Variants in SATL1 observed in about 807,000 individuals in gnomAD.
SATL1 encodes the protein spermidine/spermine N1-acetyl transferase like 1, also known as spermidine/spermine N(1)-acetyltransferase-like protein 1.
In SATL1, 47 loss-of-function variants were observed where a neutral mutation model predicts 51.8. That is an observed-to-expected ratio of 0.91 (90% CI 0.72 to 1.16). SATL1 has a LOEUF of 1.16. Ranked by LOEUF, SATL1 falls within the 50% of genes most tolerant of loss-of-function variation. The pLI is 0.00. For missense variants in SATL1, 520 were observed against 526.4 expected, an observed-to-expected ratio of 0.99 and a Z score of 0.12; for synonymous variants, 176 against 182.4, an observed-to-expected ratio of 0.97 and a Z score of 0.28.
At chrX:85,157,656 G>A (rs1044789932) in intron 2 of SATL1, among the ~76,000 whole-genome samples, 4 of 110,933 alleles carry the variant, frequency 3.6e-5, no homozygotes, top group African/African-American at 1.3e-4. Context: ...TGCTATACAA[G>A]CTCTAATTGT....
chrX:85,103,408 C>T (rs1468203153), intron 4 of SATL1, among the ~76,000 whole-genome samples: 1 of 111,990 alleles, frequency 8.9e-6, no homozygotes, highest in Non-Finnish European at 1.9e-5. Context: ...ATTTTATATA[C>T]ATCAATAATC....
intron 2 of SATL1, among the ~76,000 whole-genome samples, chrX:85,193,166 T>C (rs1019236401): frequency 8.9e-6 from 1 of 111,972 alleles, no homozygotes. Context: ...TTCCTGTTAC[T>C]GTACAAATTG....
intron 1 of SATL1, among the ~76,000 whole-genome samples, chrX:85,235,063 G>C (rs1458681354): frequency 1.8e-5 from 2 of 111,201 alleles, no homozygotes; most frequent in Non-Finnish European, 3.8e-5. Flanking sequence ...AAAAGAGCAA[G>C]AGTAAGTATA....
chrX:85,240,624 C>T (rs1469579212), intron 1 of SATL1, among the ~76,000 whole-genome samples: 1 of 110,416 alleles, frequency 9.1e-6, no homozygotes, highest in Non-Finnish European at 1.9e-5. Context: ...AATAAGGAGT[C>T]AATGTTCTAT....
chrX:85,101,499 G>A (rs918296296), intron 4 of SATL1, among the ~76,000 whole-genome samples: 1 of 112,081 alleles, frequency 8.9e-6, no homozygotes, highest in Non-Finnish European at 1.9e-5. Flanking sequence ...ACTTCATACC[G>A]ACTAGGATGG....
At chrX:85,132,904 C>T (rs190683917) in intron 2 of SATL1, among the ~76,000 whole-genome samples, 12,059 of 111,572 alleles carry the variant, frequency 0.11, 560 homozygotes, top group South Asian at 0.21. Context: ...TTCTAACAGT[C>T]GGGTCCCTCA....
At chrX:85,220,006 GAA>G (rs35859225) in intron 2 of SATL1, among the ~76,000 whole-genome samples, 12,827 of 80,203 alleles carry the variant, frequency 0.16, 681 homozygotes, top group South Asian at 0.22. Flanking sequence ...TGAAGAGATA[GAA>G]AAAAAAAAAA....
rs1429401458 is a variant in SATL1 at position 85,220,870 on chromosome X, C to T, written c.-313+3335G>A. ...AAGTGCTCACCAGTCACTGTCCCTT[C>T]TACTTCCTAAATAGATCTCAAATAT... On this transcript the variant is annotated intron_variant, in intron 2 of 7. Coordinates refer to ENST00000644105, the MANE Select transcript of SATL1 (RefSeq NM_001367857.2). Among the ~76,000 whole-genome samples, 3 of 109,396 alleles carry T rather than the reference C, an allele frequency of 2.7e-5. No individual in the cohort carries two copies. The Admixed American group carries it at 2.9e-4, about 11-fold the overall frequency. The allele number at this position is 109,396 out of a possible 115,157, so 95.0% of individuals were successfully genotyped here.
At chrX:85,153,150 A>T (rs1280538457) in intron 2 of SATL1, among the ~76,000 whole-genome samples, 2 of 110,843 alleles carry the variant, frequency 1.8e-5, no homozygotes, top group Non-Finnish European at 3.8e-5. Flanking sequence ...TCTATAAAAT[A>T]TAGGAGGAAA....
At chrX:85,134,414 TTTGA>T (rs745597347) in intron 2 of SATL1, among the ~76,000 whole-genome samples, 1 of 111,632 alleles carries the variant, frequency 9.0e-6, no homozygotes, top group South Asian at 3.7e-4. Flanking sequence ...ATTCAAAAAA[TTTGA>T]TTACCTTCTA....
intron 2 of SATL1, among the ~76,000 whole-genome samples, chrX:85,171,960 T>C (rs1380763923): frequency 9.9e-5 from 11 of 111,670 alleles, no homozygotes; most frequent in Admixed American, 8.6e-4. Context: ...ACAGGAGATA[T>C]AATTCAATAC....
At chrX:85,116,491 C>T (rs2147698354) in intron 2 of SATL1, among the ~76,000 whole-genome samples, 1 of 111,672 alleles carries the variant, frequency 9.0e-6, no homozygotes, top group East Asian at 2.9e-4. Flanking sequence ...CCTTTTAGCA[C>T]TCGGGAGGGG....
intron 2 of SATL1, chrX:85,211,344 G>A (rs1384379644): frequency 9.0e-6 from 1 of 110,877 alleles, no homozygotes; most frequent in Admixed American, 9.6e-5. Flanking sequence ...CCTAATGTCT[G>A]TTTTAAATGC....
chrX:85,194,448 G>GA (rs1298922344), intron 2 of SATL1, among the ~76,000 whole-genome samples: 7 of 110,977 alleles, frequency 6.3e-5, no homozygotes, highest in Non-Finnish European at 1.3e-4. Context: ...TAACAGAGGT[G>GA]AAAAAAATAT....
chrX:85,123,433 TA>T (rs1239398838), intron 2 of SATL1, among the ~76,000 whole-genome samples: 1 of 112,005 alleles, frequency 8.9e-6, no homozygotes, highest in Non-Finnish European at 1.9e-5. Context: ...CATGTTTTCA[TA>T]TGCTTGTTGC....
At chrX:85,097,704 G>A (rs1438773236) in intron 4 of SATL1, among the ~76,000 whole-genome samples, 2 of 111,906 alleles carry the variant, frequency 1.8e-5, no homozygotes, top group Non-Finnish European at 3.8e-5. Context: ...TAACAGAAGA[G>A]GGGGACAGAG....
At chrX:85,153,176 A>G (rs1461357149) in intron 2 of SATL1, among the ~76,000 whole-genome samples, 3 of 110,357 alleles carry the variant, frequency 2.7e-5, no homozygotes, top group African/African-American at 9.9e-5. Context: ...GAATCGTGGG[A>G]AAGATGGGGG....
In SATL1 at chrX:85,138,530, C is replaced by G. The variant is rs181079600; in HGVS notation, c.-312-29250G>C. On this transcript the variant is annotated intron_variant, in intron 2 of 7. Transcript: ENST00000644105. ...TTTGTTTTTGTTTTTAACTCCCAAG[C>G]AGGTCCATTCTCAGCTTATAGCAAT... Among the ~76,000 whole-genome samples the G allele has an allele frequency of 2.2e-3, 244 of 111,754 alleles. 1 individual carries two copies. Among genetic ancestry groups the G allele is most frequent in the Non-Finnish European group, 3.5e-3 (186 of 53,096 alleles).
At chrX:85,235,552 A>C (rs911072833) in intron 1 of SATL1, among the ~76,000 whole-genome samples, 1 of 111,657 alleles carries the variant, frequency 9.0e-6, no homozygotes, top group Non-Finnish European at 1.9e-5. Flanking sequence ...AACTATACAA[A>C]CACACAGAAA....
Sources: allele counts gnomAD v4.1 joint callset (sites outside exome capture counted in the v4.1 genomes callset), GRCh38; gene constraint gnomAD v4.1.1; transcripts MANE v1.5; gene names NCBI Gene and HGNC (gene_info 2026-07-23, HGNC 2026-07-21).